Variants in GPHN observed in about 807,000 individuals in gnomAD.
GPHN encodes gephyrin.
GPHN carries 17 observed loss-of-function variants against 95.5 expected under a neutral mutation model. The ratio of observed to expected loss-of-function variants is 0.18; its 90% CI spans 0.12 to 0.27. GPHN has a LOEUF of 0.27. Ranked by LOEUF, GPHN falls within the 10% of genes least tolerant of loss-of-function variation. The probability of loss-of-function intolerance (pLI) is 1.00; values close to 1 mark genes in which losing one functional copy is unlikely to be tolerated. For synonymous variants in GPHN, 320 were observed against 322.5 expected (o/e 0.99, Z 0.08); for missense variants, 660 against 978.1 (o/e 0.67, Z 4.34).
At chr14:67,164,161 G>C (rs111401435) in intron 19 of GPHN, among the ~76,000 whole-genome samples, 7,673 of 151,046 alleles carry the variant, frequency 0.051, 209 homozygotes, top group Middle Eastern at 0.068. Flanking sequence ...CCAGCTACTC[G>C]GGAGGCTGAG....
At chr14:67,220,513 T>G in the GPHN span, among the ~76,000 whole-genome samples, 160 of 152,280 alleles carry the variant, frequency 1.1e-3, no homozygotes, top group African/African-American at 3.6e-3. Flanking sequence ...TCTTTAAAAT[T>G]TAAATTGAGC....
At chr14:67,044,456 C>T (rs796533091) in intron 10 of GPHN, among the ~76,000 whole-genome samples, 1 of 152,034 alleles carries the variant, frequency 6.6e-6, no homozygotes, top group Non-Finnish European at 1.5e-5. Context: ...TTATTTCTTT[C>T]CAGGTGAAGT....
chr14:66,578,433 A>G (rs1030034564), intron 1 of GPHN, among the ~76,000 whole-genome samples: 1 of 151,922 alleles, frequency 6.6e-6, no homozygotes, highest in Admixed American at 6.6e-5. Context: ...TTCATAAACT[A>G]GGGACAGATA....
the GPHN span, chr14:67,615,934 A>C: frequency 3.9e-6 from 2 of 519,334 alleles, no homozygotes; most frequent in Non-Finnish European, 7.1e-6. Flanking sequence ...GCAAAGCTGA[A>C]GGAAAAATAC....
chr14:67,277,926 T>C, the GPHN span, among the ~76,000 whole-genome samples: 172 of 152,332 alleles, frequency 1.1e-3, 1 homozygote, highest in African/African-American at 4.0e-3. Flanking sequence ...TCTCCCTGTT[T>C]ACTGTGATCT....
At chr14:67,656,533 C>G in the GPHN span, 1 of 1,613,820 alleles carries the variant, frequency 6.2e-7, no homozygotes, top group African/African-American at 1.3e-5. Flanking sequence ...TTTGGGTGGC[C>G]CGGTTCAGGC....
At chr14:66,873,233 A>C (rs1311604376) in intron 4 of GPHN, among the ~76,000 whole-genome samples, 1 of 152,326 alleles carries the variant, frequency 6.6e-6, no homozygotes, top group East Asian at 1.9e-4. Context: ...ATTCCGGCCC[A>C]GATACTATGC....
chr14:66,852,547 G>A (rs79457491), intron 4 of GPHN, among the ~76,000 whole-genome samples: 2,926 of 152,296 alleles, frequency 0.019, 38 homozygotes, highest in Middle Eastern at 0.034. Flanking sequence ...ATTATTTCTG[G>A]GTGGGGAAAT....
intron 8 of GPHN, among the ~76,000 whole-genome samples, chr14:66,943,655 T>G (rs1343663408): frequency 7.1e-6 from 1 of 141,770 alleles, no homozygotes; most frequent in African/African-American, 2.7e-5. Flanking sequence ...ACCACAACTT[T>G]TATCATCCCT....
chr14:66,560,399 A>G (rs1270107771), intron 1 of GPHN, among the ~76,000 whole-genome samples: 3 of 152,116 alleles, frequency 2.0e-5, no homozygotes, highest in African/African-American at 7.2e-5. Context: ...ATTTGTTTGT[A>G]TCCTCTTTTA....
chr14:66,660,063 A>C (rs1368480141), intron 1 of GPHN, among the ~76,000 whole-genome samples: 1 of 151,796 alleles, frequency 6.6e-6, no homozygotes, highest in Non-Finnish European at 1.5e-5. Context: ...TTTTAATGAT[A>C]TCTCTTTTCT....
intron 1 of GPHN, among the ~76,000 whole-genome samples, chr14:66,669,684 G>C (rs934416336): frequency 1.3e-5 from 2 of 151,368 alleles, no homozygotes; most frequent in Admixed American, 6.6e-5. Flanking sequence ...GATTGTTTTC[G>C]CATGTTTCTT....
At chr14:67,646,844 C>T in the GPHN span, 1 of 1,379,724 alleles carries the variant, frequency 7.2e-7, no homozygotes, top group Non-Finnish European at 1.0e-6. Context: ...TACAACAAAC[C>T]CACCCTCTCC....
chr14:67,190,442 C>T, the GPHN span, among the ~76,000 whole-genome samples: 2 of 150,980 alleles, frequency 1.3e-5, no homozygotes, highest in Non-Finnish European at 1.5e-5. Flanking sequence ...AGGCTGGTCT[C>T]GAACTCCTGA....
the GPHN span, among the ~76,000 whole-genome samples, chr14:67,324,896 C>CCTT: frequency 4.4e-5 from 5 of 114,454 alleles, no homozygotes; most frequent in South Asian, 6.0e-4. Flanking sequence ...GCCTTCCTTT[C>CCTT]ATTTTTTTTT....
intron 4 of GPHN, among the ~76,000 whole-genome samples, chr14:66,872,392 CAG>C (rs2063476246): frequency 6.6e-6 from 1 of 152,056 alleles, no homozygotes; most frequent in Non-Finnish European, 1.5e-5. Flanking sequence ...TTTTTGGAAA[CAG>C]AGGACTGGAA....
chr14:66,898,912 T>C (rs1300588042), intron 5 of GPHN, among the ~76,000 whole-genome samples: 3 of 151,970 alleles, frequency 2.0e-5, no homozygotes, highest in Non-Finnish European at 2.9e-5. Flanking sequence ...CAGTTTTCAG[T>C]ATAAAAAGTC....
At chr14:66,669,948 T>C (rs1566791915) in intron 1 of GPHN, among the ~76,000 whole-genome samples, 1 of 152,204 alleles carries the variant, frequency 6.6e-6, no homozygotes, top group Non-Finnish European at 1.5e-5. Context: ...TTAGCACCTG[T>C]CATTAGCCTT....
the GPHN span, among the ~76,000 whole-genome samples, chr14:67,479,425 ATGCTTGTGG>A: frequency 1.3e-5 from 2 of 151,198 alleles, no homozygotes; most frequent in African/African-American, 2.4e-5. Flanking sequence ...AAAAAAAAAA[ATGCTTGTGG>A]AAGCTGGGTG....
Sources: allele counts gnomAD v4.1 joint callset (sites outside exome capture counted in the v4.1 genomes callset), GRCh38; gene constraint gnomAD v4.1.1; transcripts MANE v1.5; gene names NCBI Gene and HGNC (gene_info 2026-07-23, HGNC 2026-07-21).